SH3GLB1: variants seen among roughly 807,000 people sequenced by gnomAD.
SH3GLB1 encodes the protein endophilin-B1.
SH3GLB1 carries 17 observed loss-of-function variants against 42.0 expected under a neutral mutation model. The ratio of observed to expected loss-of-function variants is 0.40; its 90% confidence interval spans 0.28 to 0.61. SH3GLB1 has a LOEUF of 0.61. Ranked by LOEUF, SH3GLB1 falls within the 20% of genes least tolerant of loss-of-function variation. The pLI is 0.36. For synonymous variants in SH3GLB1, 132 were observed against 146.6 expected, an observed-to-expected ratio of 0.90 and a Z score of 0.72; for missense variants, 355 against 426.3, an observed-to-expected ratio of 0.83 and a Z score of 1.47.
In SH3GLB1 at chr1:86,716,132, G is replaced by A. The variant is rs147997025; in HGVS notation, c.214+267G>A. 5.7e-3 allele frequency among the ~76,000 whole-genome samples: 866 copies of A among 152,236 alleles called. 7 individuals are homozygous for A. Among genetic ancestry groups the A allele is most frequent in the African/African-American group, 0.019 (807 of 41,544 alleles). ...AGTGACTTTGAATTTTAATTTATGA[G>A]CAGCTGTGTATATAAATATGTTTTC... On this transcript the variant is annotated intron_variant, in intron 2 of 8. Coordinates refer to ENST00000370558, the MANE Select transcript of SH3GLB1 (RefSeq NM_016009.5).
intron 5 of SH3GLB1, 76 bp downstream of exon 5, chr1:86,724,481 T>A: frequency 1.8e-6 from 2 of 1,129,600 alleles, no homozygotes; most frequent in Non-Finnish European, 2.5e-6. Context: ...CCATGAAAGA[T>A]ACAGACTATT....
At position 86,728,955 on chromosome 1, in the gene SH3GLB1, C is replaced by T. The variant is rs138975568; in HGVS notation, c.570+4550C>T. ...AAGACAGACCCCATTAGGTTAGGTA[C>T]TCCTGTAATGGCCAGGCTTATTTTC... is the stretch of plus-strand genomic sequence containing the variant. On this transcript the variant is annotated intron_variant, in intron 5 of 8. Coordinates refer to ENST00000370558, the MANE Select transcript of SH3GLB1 (RefSeq NM_016009.5). Among the ~76,000 whole-genome samples the T allele has an allele frequency of 2.5e-3, 382 of 152,242 alleles. 6 individuals carry two copies. Among genetic ancestry groups the T allele is most frequent in the Admixed American group, 0.023 (354 of 15,294 alleles).
At chr1:86,741,125 T>C (rs919032695) in intron 7 of SH3GLB1, among the ~76,000 whole-genome samples, 5 of 152,116 alleles carry the variant, frequency 3.3e-5, no homozygotes, top group Non-Finnish European at 7.4e-5. Context: ...GACTCCTCCA[T>C]TGACCTCTAG....
rs570709921 is a variant in SH3GLB1, at chr1:86,711,484, T to C, written c.73-4240T>C. On this transcript the variant is annotated intron_variant, in intron 1 of 8. Transcript: ENST00000370558. ...GTATCAAATTATATTTTAGAAAACATTGAGTTTAATGACTTACTAAGAAGA... is the reference window on the plus strand; with the variant it reads ...GTATCAAATTATATTTTAGAAAACACTGAGTTTAATGACTTACTAAGAAGA... 3.3e-5 allele frequency among the ~76,000 whole-genome samples: 5 copies of C among 152,252 alleles called. No homozygotes were observed. In the South Asian group the frequency reaches 8.3e-4, roughly 25 times the overall value.
In SH3GLB1 at chr1:86,731,554, G is replaced by A. The variant is rs142530804; in HGVS notation, c.571-3048G>A. 8.1e-4 allele frequency among the ~76,000 whole-genome samples: 123 copies of A among 152,220 alleles called. 2 individuals carry two copies. In the East Asian group the frequency reaches 0.016, roughly 20 times the overall value. On this transcript the variant is annotated intron_variant, in intron 5 of 8. Coordinates refer to ENST00000370558, the MANE Select transcript of SH3GLB1 (RefSeq NM_016009.5). ...GCAGAGCAACACAGAAGAGAATACAGGTTGAACAAAAAAACTAGAATGTCT... is the reference window on the plus strand; with the variant it reads ...GCAGAGCAACACAGAAGAGAATACAAGTTGAACAAAAAAACTAGAATGTCT...
chr1:86,730,426 T>C (rs1655443274), intron 5 of SH3GLB1: 4 of 937,402 alleles, frequency 4.3e-6, no homozygotes, highest in Non-Finnish European at 5.1e-6. Flanking sequence ...TTAATAACAA[T>C]TTTTAAAATG....
In SH3GLB1 at chr1:86,747,587, G is replaced by A. The variant is rs878897077; in HGVS notation, c.*4352G>A. 1 of 152,206 alleles carries A rather than the reference G, an allele frequency of 6.6e-6. No homozygotes were observed. The highest frequency in any genetic ancestry group is 2.1e-4 in the South Asian group (1 of 4,836). The allele number at this position is 152,206 out of a possible 1,614,324, so 9.4% of individuals were successfully genotyped here. A position where few individuals can be genotyped will look rare whatever the true frequency, so the allele number is the denominator to read the frequency against. ...AGGTATAAGGATATCATAGTGGGAA[G>A]TATTGCTTAGAATGCCAGTACTTGT... On this transcript the variant is annotated 3_prime_UTR_variant, in exon 9 of 9. Coordinates refer to ENST00000370558, the MANE Select transcript of SH3GLB1 (RefSeq NM_016009.5).
intron 5 of SH3GLB1, among the ~76,000 whole-genome samples, chr1:86,733,776 T>C (rs1198854917): frequency 6.6e-6 from 1 of 152,182 alleles, no homozygotes; most frequent in Non-Finnish European, 1.5e-5. Flanking sequence ...CATACTGTTA[T>C]TTACATCTCT....
Position 86,735,134 on chromosome 1 carries a change from C to T in SH3GLB1, c.716C>T (p.Ala239Val). Residue 239 changes from alanine (A) to valine (V), a missense_variant, in exon 7 of 9, where the codon GCA (alanine) becomes GTA (valine). By Grantham distance (64) the Ala-to-Val change is moderately conservative (BLOSUM62 0). Transcript: ENST00000370558. ...DFVEAQMTYY[A>V]QCYQYMLDLQ... is the part of the protein sequence containing the mutation. The stretch of plus-strand genomic sequence containing the variant: ...GTAGAAGCCCAGATGACTTACTATG[C>T]ACAGTGTTACCAGTATATGTTGGAC... 1.2e-6 allele frequency: 2 copies of T among 1,612,960 alleles called. No individual in the cohort carries two copies. The highest frequency in any genetic ancestry group is 1.7e-6 in the Non-Finnish European group (2 of 1,179,082).
chr1:86,733,491 G>T (rs1166111270), intron 5 of SH3GLB1, among the ~76,000 whole-genome samples: 1 of 152,012 alleles, frequency 6.6e-6, no homozygotes, highest in Non-Finnish European at 1.5e-5. Context: ...ATTTGCATAG[G>T]TGGAAAATGC....
At chr1:86,718,042 G>GTTT (rs34852185) in intron 2 of SH3GLB1, among the ~76,000 whole-genome samples, 4 of 139,534 alleles carry the variant, frequency 2.9e-5, no homozygotes, top group East Asian at 2.1e-4. Context: ...ACACAAAGCT[G>GTTT]TTTTTTTTTT....
intron 4 of SH3GLB1, among the ~76,000 whole-genome samples, chr1:86,723,482 C>G (rs1253587695): frequency 2.0e-5 from 3 of 151,732 alleles, no homozygotes; most frequent in African/African-American, 7.3e-5. Flanking sequence ...CCACTGCACT[C>G]CAGCCTGGGG....
At chr1:86,710,559 C>G (rs1654155042) in intron 1 of SH3GLB1, among the ~76,000 whole-genome samples, 1 of 152,244 alleles carries the variant, frequency 6.6e-6, no homozygotes, top group Non-Finnish European at 1.5e-5. Flanking sequence ...GCCACCGTGC[C>G]TGGCCTTTCT....
At chr1:86,710,988 G>A (rs1654177629) in intron 1 of SH3GLB1, among the ~76,000 whole-genome samples, 1 of 152,126 alleles carries the variant, frequency 6.6e-6, no homozygotes, top group Non-Finnish European at 1.5e-5. Context: ...GAATCTTAGG[G>A]GTTGGATCAG....
rs1653733782 is a variant in SH3GLB1, at chr1:86,704,894, C to G, written c.-6C>G. 6.4e-7 allele frequency: 1 copy of G among 1,572,164 alleles called. No individual in the cohort carries two copies. The highest frequency in any genetic ancestry group is 8.6e-7 in the Non-Finnish European group (1 of 1,161,966). ...GTCGGCCGGCTCCGCCCGGCTGCCG[C>G]CTAGGATGAATATCATGGACTTCAA... On this transcript the variant is annotated 5_prime_UTR_variant, in exon 1 of 9. Transcript: ENST00000370558.
At chr1:86,735,717 G>A (rs1409311689) in intron 7 of SH3GLB1, among the ~76,000 whole-genome samples, 1 of 152,196 alleles carries the variant, frequency 6.6e-6, no homozygotes, top group Non-Finnish European at 1.5e-5. Flanking sequence ...GCCAAGCACT[G>A]TTACATATTG....
chr1:86,735,543 C>G (rs901281237), intron 7 of SH3GLB1, among the ~76,000 whole-genome samples: 4 of 152,170 alleles, frequency 2.6e-5, no homozygotes, highest in African/African-American at 9.7e-5. Flanking sequence ...CATTACTCAT[C>G]TGTTTACTAT....
chr1:86,733,996 AT>A (rs1385782716), intron 5 of SH3GLB1, among the ~76,000 whole-genome samples: 2 of 152,126 alleles, frequency 1.3e-5, no homozygotes, highest in African/African-American at 4.8e-5. Context: ...TGCTTAAGAC[AT>A]TTTTTATGCA....
At chr1:86,717,294 G>A (rs1372713982) in intron 2 of SH3GLB1, among the ~76,000 whole-genome samples, 3 of 152,104 alleles carry the variant, frequency 2.0e-5, no homozygotes, top group South Asian at 4.1e-4. Context: ...TTCTGAATGG[G>A]AAATAAGCTC....
Sources: allele counts gnomAD v4.1 joint callset (sites outside exome capture counted in the v4.1 genomes callset), GRCh38; gene constraint gnomAD v4.1.1; transcripts MANE v1.5; gene names NCBI Gene and HGNC (gene_info 2026-07-23, HGNC 2026-07-21).